ATP5MC2: variants seen among roughly 807,000 people sequenced by gnomAD.
The protein encoded by ATP5MC2 is ATP synthase F(0) complex subunit C2, mitochondrial.
A neutral mutation model predicts 13.5 loss-of-function variants in ATP5MC2; 11 were observed. The ratio of observed to expected loss-of-function variants is 0.81; its 90% CI spans 0.51 to 1.35. ATP5MC2 has a LOEUF of 1.35. ATP5MC2 is among the 40% of genes most tolerant of loss of function. ATP5MC2 has a pLI of 0.00. For synonymous variants in ATP5MC2, 64 were observed against 69.7 expected (o/e 0.92, Z 0.41); for missense variants, 132 against 175.0 (o/e 0.75, Z 1.39).
chr12:53,676,011 G>A, intron 1 of ATP5MC2, 42 bp downstream of exon 1: 2 of 1,600,220 alleles, frequency 1.2e-6, no homozygotes, highest in Non-Finnish European at 1.7e-6. Context: ...TGTCCCGCGC[G>A]CGTGCGCAGC....
intron 2 of ATP5MC2, among the ~76,000 whole-genome samples, 174 bp downstream of exon 2, chr12:53,672,402 A>G (rs1945127767): frequency 6.6e-6 from 1 of 151,916 alleles, no homozygotes; most frequent in Non-Finnish European, 1.5e-5. Flanking sequence ...TCGTTTTTTT[A>G]GTAGAGATGG....
chr12:53,672,440 T>TA, intron 2 of ATP5MC2, 136 bp downstream of exon 2: 1 of 943,898 alleles, frequency 1.1e-6, no homozygotes, highest in South Asian at 1.4e-5. Context: ...CAGGCTGGTT[T>TA]TGAACTCCTG....
At chr12:53,672,051 G>A (rs1329902521) in intron 2 of ATP5MC2, among the ~76,000 whole-genome samples, 12 of 128,242 alleles carry the variant, frequency 9.4e-5, no homozygotes, top group Non-Finnish European at 1.8e-4. Flanking sequence ...TCGCGCCATT[G>A]CAGCCTGGGC....
At chr12:53,676,120 A>C (rs1945264519), upstream of ATP5MC2, 3 of 1,614,240 alleles carry the variant, frequency 1.9e-6, no homozygotes, top group Non-Finnish European at 2.5e-6. Flanking sequence ...GGCTCAGCGC[A>C]TGCGTGACCC....
upstream of ATP5MC2, among the ~76,000 whole-genome samples, chr12:53,679,118 T>C (rs1278729706): frequency 6.6e-6 from 1 of 152,158 alleles, no homozygotes; most frequent in South Asian, 2.1e-4. Flanking sequence ...AGGGTTTTGA[T>C]TTGTTTATAT....
chr12:53,672,374 A>G (rs1945126808), intron 2 of ATP5MC2, among the ~76,000 whole-genome samples: 1 of 152,076 alleles, frequency 6.6e-6, no homozygotes, highest in African/African-American at 2.4e-5. Flanking sequence ...GGCGCCCGCC[A>G]CCATGCCCAA....
intron 1 of ATP5MC2, 90 bp from the exon 2 acceptor site, chr12:53,672,735 G>A: frequency 4.1e-6 from 5 of 1,229,908 alleles, no homozygotes; most frequent in Non-Finnish European, 5.7e-6. Context: ...AGCTTAACTG[G>A]CCCAGAAAAC....
chr12:53,669,946 G>T lies in ATP5MC2; in HGVS notation c.42C>A (p.Val14=). The stretch of plus-strand genomic sequence containing the variant: ...GGCTCAGCAGCTGTGAGGTGCTCTT[G>T]ACCTAGCAGGAATGACATACAGGGG... ...CSKFVSTPSL[V]KSTSQLLSRP... Residue 14 remains valine (V), a splice_region_variant and synonymous_variant, in exon 3 of 5, where the codon GTC becomes GTA. Coordinates refer to ENST00000394349, the MANE Select transcript of ATP5MC2 (RefSeq NM_005176.7). 1 of 1,613,552 alleles carries T rather than the reference G, an allele frequency of 6.2e-7. No individual in the cohort carries two copies. The highest frequency in any genetic ancestry group is 1.1e-5 in the South Asian group (1 of 91,050).
rs779347103 is a variant in ATP5MC2 at position 53,672,609 on chromosome 12, G to A, written c.6C>T (p.Phe2=). 6.4e-5 allele frequency: 101 copies of A among 1,584,958 alleles called. No individual in the cohort carries two copies. The highest frequency in any genetic ancestry group is 7.6e-5 in the Non-Finnish European group (88 of 1,165,472). M[F]ACSKFVSTPS... ...GAGTGGAGACAAACTTGGAGCAGGC[G>A]AACATTTTCAGGGGGTGAGGAGCTG... The change falls in exon 2 of 5, where the codon TTC becomes TTT. Residue 2 remains phenylalanine (F), a synonymous_variant. Transcript: ENST00000394349.
At chr12:53,674,760 A>C (rs980242041) in intron 1 of ATP5MC2, among the ~76,000 whole-genome samples, 1 of 152,164 alleles carries the variant, frequency 6.6e-6, no homozygotes, top group Non-Finnish European at 1.5e-5. Context: ...AATTACTTTT[A>C]AGTTAATGGA....
At chr12:53,676,178 G>C (rs370352381), upstream of ATP5MC2, 17 of 1,614,086 alleles carry the variant, frequency 1.1e-5, no homozygotes, top group African/African-American at 1.5e-4. Flanking sequence ...CAACATACAG[G>C]ATCAGCTCAG....
upstream of ATP5MC2, among the ~76,000 whole-genome samples, chr12:53,680,548 A>G (rs2120435694): frequency 6.6e-6 from 1 of 152,286 alleles, no homozygotes; most frequent in African/African-American, 2.4e-5. Context: ...TAAGAAAATT[A>G]GCTAGGCATG....
chr12:53,672,914 C>A (rs985758491), intron 1 of ATP5MC2: 2 of 341,460 alleles, frequency 5.9e-6, no homozygotes, highest in Admixed American at 9.0e-5. Flanking sequence ...ATTTCCATAG[C>A]CTCATGATTT....
rs140613495 is a variant in ATP5MC2, at chr12:53,669,893, C to T, written c.95G>A (p.Arg32Gln). ...TACCTCATCTGTCAGTATCTCCGGTCGTTTCAGCACCACTGCAGATAGCGG... is the reference window on the plus strand; with the variant it reads ...TACCTCATCTGTCAGTATCTCCGGTTGTTTCAGCACCACTGCAGATAGCGG... ...SRPLSAVVLKRPEILTDESLS... is the reference protein window; with the variant it reads ...SRPLSAVVLKQPEILTDESLS... The change falls in exon 3 of 5, where the codon CGA (arginine) becomes CAA (glutamine). Residue 32 changes from arginine to glutamine, a missense_variant. Coordinates refer to ENST00000394349, the MANE Select transcript of ATP5MC2 (RefSeq NM_005176.7). 239 of 1,613,998 alleles carry T rather than the reference C, an allele frequency of 1.5e-4. No homozygotes were observed. In the African/African-American group the frequency reaches 2.3e-3, roughly 16 times the overall value.
rs1034286445 is a variant in ATP5MC2, at chr12:53,669,325, G to A, written c.134C>T (p.Ala45Val). 3 of 1,613,392 alleles carry A rather than the reference G, an allele frequency of 1.9e-6. No individual in the cohort carries two copies. The highest frequency in any genetic ancestry group is 2.5e-6 in the Non-Finnish European group (3 of 1,179,672). ...ILTDESLSSLAVSCPLTSLVS... is the reference protein window; with the variant it reads ...ILTDESLSSLVVSCPLTSLVS... ...AAGTGAGGTAAGGGGACATGAGACT[G>A]CCAAGCTGCTGAGGCTCTGTGAAAA... Residue 45 changes from alanine (A) to valine (V), a missense_variant, in exon 4 of 5, where the codon GCA becomes GTA. Coordinates refer to ENST00000394349, the MANE Select transcript of ATP5MC2 (RefSeq NM_005176.7).
chr12:53,677,721 G>GC (rs1229021215), upstream of ATP5MC2, among the ~76,000 whole-genome samples: 3 of 152,194 alleles, frequency 2.0e-5, no homozygotes, highest in Non-Finnish European at 4.4e-5. Context: ...CCCCGAGCGG[G>GC]CAGGTACGTG....
upstream of ATP5MC2, chr12:53,676,380 A>G: frequency 1.3e-6 from 1 of 760,536 alleles, no homozygotes; most frequent in Non-Finnish European, 2.0e-6. Flanking sequence ...CCCCTTTCCG[A>G]GCATGCGCAG....
intron 3 of ATP5MC2, among the ~76,000 whole-genome samples, 156 bp from the exon 4 acceptor site, chr12:53,669,497 G>A (rs1945030447): frequency 6.6e-6 from 1 of 152,148 alleles, no homozygotes; most frequent in South Asian, 2.1e-4. Flanking sequence ...TTTAACGTAG[G>A]ATGTAGACTT....
chr12:53,668,751 G>A (rs1199416923), intron 4 of ATP5MC2, among the ~76,000 whole-genome samples: 1 of 152,056 alleles, frequency 6.6e-6, no homozygotes, highest in East Asian at 1.9e-4. Flanking sequence ...AAGCGCGGGG[G>A]CTCATGCCTG....
Sources: allele counts gnomAD v4.1 joint callset (sites outside exome capture counted in the v4.1 genomes callset), GRCh38; gene constraint gnomAD v4.1.1; transcripts MANE v1.5; gene names NCBI Gene and HGNC (gene_info 2026-07-23, HGNC 2026-07-21).